SOX5: variants seen among roughly 807,000 people sequenced by gnomAD.
The protein encoded by SOX5 is SRY-box transcription factor 5.
Under a neutral mutation model 92.0 loss-of-function variants are expected in SOX5, and 9 were observed. The observed-to-expected ratio is 0.10, with a 90% CI of 0.06 to 0.17. The LOEUF (loss-of-function observed/expected upper bound fraction) is 0.17, where lower values mean the gene tolerates loss of function less well. Among genes scored for constraint, SOX5 ranks in the 10% least tolerant of loss-of-function variants. The probability of loss-of-function intolerance (pLI) is 1.00; values close to 1 mark genes in which losing one functional copy is unlikely to be tolerated. For missense variants in SOX5, 642 were observed against 944.5 expected, an observed-to-expected ratio of 0.68 and a Z score of 4.20; for synonymous variants, 344 against 336.3, an observed-to-expected ratio of 1.02 and a Z score of -0.25.
intron 4 of SOX5, among the ~76,000 whole-genome samples, chr12:24,091,077 A>C (rs1019559069): frequency 9.2e-5 from 14 of 152,204 alleles, no homozygotes; most frequent in Non-Finnish European, 1.9e-4. Context: ...TGTTTTCTTA[A>C]GTTTGGTTCT....
chr12:24,434,690 T>C (rs1025364016), intron 1 of SOX5, among the ~76,000 whole-genome samples: 2 of 152,098 alleles, frequency 1.3e-5, no homozygotes, highest in African/African-American at 4.8e-5. Flanking sequence ...TGTTTAAAAG[T>C]ATATGGCACC....
chr12:23,626,915 T>C (rs926860545), intron 8 of SOX5, among the ~76,000 whole-genome samples: 1 of 152,084 alleles, frequency 6.6e-6, no homozygotes, highest in Non-Finnish European at 1.5e-5. Context: ...CAGTAGGATA[T>C]AAAGAACTCC....
chr12:24,216,896 C>G (rs764010349), intron 3 of SOX5, among the ~76,000 whole-genome samples: 3 of 152,176 alleles, frequency 2.0e-5, no homozygotes, highest in Non-Finnish European at 4.4e-5. Flanking sequence ...CCACTGCACT[C>G]CGGCCTGAGC....
intron 1 of SOX5, among the ~76,000 whole-genome samples, chr12:24,404,230 TG>T (rs1423108769): frequency 6.6e-6 from 1 of 152,146 alleles, no homozygotes. Flanking sequence ...TGTTTAAATA[TG>T]CCCTACGTGA....
At chr12:23,551,638 A>T (rs781039855) in intron 11 of SOX5, among the ~76,000 whole-genome samples, 2 of 151,902 alleles carry the variant, frequency 1.3e-5, no homozygotes, top group Non-Finnish European at 2.9e-5. Flanking sequence ...ACCCTTTGGT[A>T]TTCTGGAATT....
At chr12:23,784,362 T>C (rs996974790) in intron 3 of SOX5, among the ~76,000 whole-genome samples, 1 of 152,196 alleles carries the variant, frequency 6.6e-6, no homozygotes, top group Non-Finnish European at 1.5e-5. Flanking sequence ...AGTCTCACTC[T>C]GTCACCCAGG....
chr12:23,938,617 T>C (rs1050039880), intron 1 of SOX5, among the ~76,000 whole-genome samples: 1 of 151,032 alleles, frequency 6.6e-6, no homozygotes, highest in African/African-American at 2.4e-5. Flanking sequence ...AGGAATATGT[T>C]AAATCAGCAA....
chr12:23,575,891 G>A, intron 9 of SOX5, 53 bp from the exon 10 acceptor site: 2 of 1,429,126 alleles, frequency 1.4e-6, no homozygotes, highest in Non-Finnish European at 1.9e-6. Flanking sequence ...GATAAAAAAT[G>A]CCTAGAAAAA....
intron 9 of SOX5, among the ~76,000 whole-genome samples, chr12:23,596,806 A>G (rs1566154566): frequency 6.6e-6 from 1 of 152,224 alleles, no homozygotes; most frequent in Non-Finnish European, 1.5e-5. Context: ...GTTTTATCAG[A>G]TAACAATAGC....
intron 13 of SOX5, among the ~76,000 whole-genome samples, chr12:23,542,281 T>C (rs1942234174): frequency 6.6e-6 from 1 of 152,236 alleles, no homozygotes; most frequent in Non-Finnish European, 1.5e-5. Context: ...CATTTTCTGA[T>C]AAAATGTTTC....
rs143024161 is a variant in SOX5 at position 24,531,183 on chromosome 12, T to C, written c.-251+31146A>G. ...CTCCCTGAAATATGTTTTGCTACTA[T>C]GAAAATTGGAGGCATTTCTGACCAA... On this transcript the variant is annotated intron_variant, in intron 1 of 4. Coordinates refer to the SOX5 transcript ENST00000446891. 1.8e-3 allele frequency among the ~76,000 whole-genome samples: 267 copies of C among 152,188 alleles called. 2 individuals are homozygous for C. The highest frequency in any genetic ancestry group is 3.4e-3 in the Non-Finnish European group (228 of 67,994).
intron 3 of SOX5, among the ~76,000 whole-genome samples, chr12:23,819,960 T>G (rs1236048630): frequency 6.6e-6 from 1 of 152,228 alleles, no homozygotes; most frequent in African/African-American, 2.4e-5. Context: ...ACAGGATTGC[T>G]GGGTCAAATG....
At chr12:24,152,902 C>T (rs1484749634) in intron 4 of SOX5, among the ~76,000 whole-genome samples, 2 of 151,976 alleles carry the variant, frequency 1.3e-5, no homozygotes, top group African/African-American at 4.8e-5. Context: ...TAATGTTTCC[C>T]TTTGAAATGT....
At chr12:23,897,054 T>C (rs1437230161) in intron 1 of SOX5, among the ~76,000 whole-genome samples, 1 of 152,176 alleles carries the variant, frequency 6.6e-6, no homozygotes, top group Non-Finnish European at 1.5e-5. Context: ...ATATTTAATT[T>C]AAAAAACTTT....
At chr12:23,764,466 A>C (rs1282983941) in intron 3 of SOX5, among the ~76,000 whole-genome samples, 1 of 152,110 alleles carries the variant, frequency 6.6e-6, no homozygotes, top group Non-Finnish European at 1.5e-5. Context: ...AAACTGAGGA[A>C]AAACTTAAGA....
At chr12:24,504,873 C>A (rs148594367) in intron 1 of SOX5, among the ~76,000 whole-genome samples, 1 of 152,158 alleles carries the variant, frequency 6.6e-6, no homozygotes, top group Non-Finnish European at 1.5e-5. Context: ...CCTGGCTACT[C>A]TCACTTTTTT....
chr12:23,932,681 TA>T (rs1941709799), intron 1 of SOX5, among the ~76,000 whole-genome samples: 1 of 151,422 alleles, frequency 6.6e-6, no homozygotes, highest in South Asian at 2.1e-4. Flanking sequence ...TTTTTTGAAA[TA>T]AAAAAGGAGA....
At chr12:23,835,362 A>C (rs1054871195) in intron 3 of SOX5, among the ~76,000 whole-genome samples, 10 of 151,890 alleles carry the variant, frequency 6.6e-5, no homozygotes, top group African/African-American at 2.4e-4. Flanking sequence ...TTTAACATCA[A>C]CTGCTGTGTG....
intron 3 of SOX5, among the ~76,000 whole-genome samples, chr12:24,235,069 T>C (rs1165213432): frequency 1.3e-5 from 2 of 152,240 alleles, no homozygotes; most frequent in African/African-American, 2.4e-5. Context: ...ATTTTTGTTT[T>C]GTTTGTTTTG....
Sources: gnomAD v4.1 joint callset for allele counts (sites outside exome capture counted in the v4.1 genomes callset) on GRCh38, gnomAD v4.1.1 for gene constraint, MANE v1.5 for transcripts, NCBI Gene and HGNC (gene_info 2026-07-23, HGNC 2026-07-21) for gene names.